MPP3: variants seen among roughly 807,000 people sequenced by gnomAD.
The protein encoded by MPP3 is MAGUK p55 scaffold protein 3.
Under a neutral mutation model 80.7 loss-of-function variants are expected in MPP3, and 48 were observed. The ratio of observed to expected loss-of-function variants is 0.59; its 90% CI spans 0.47 to 0.76. The LOEUF is 0.76. Among genes scored for constraint, MPP3 ranks in the 30% least tolerant of loss-of-function variants. MPP3 has a pLI of 0.00. For missense variants in MPP3, 620 were observed against 763.0 expected (o/e 0.81, Z 2.21); for synonymous variants, 311 against 297.6 (o/e 1.04, Z -0.46).
At position 43,818,037 on chromosome 17, in the gene MPP3, T is replaced by C; in HGVS notation, c.946+9A>G. 1 of 1,579,034 alleles carries C rather than the reference T, an allele frequency of 6.3e-7. No homozygotes were observed. The highest frequency in any genetic ancestry group is 2.4e-5 in the East Asian group (1 of 42,126). The stretch of plus-strand genomic sequence containing the variant: ...CTCCCTGGAGTGCCATCCCTGACAA[T>C]CTACTCACAGGGGGGCTTCCTGAGG... On this transcript the variant is annotated intron_variant, in intron 12 of 19. Transcript: ENST00000398389.
At chr17:43,818,213 G>T in intron 11 of MPP3, 103 bp from the exon 12 acceptor site, 1 of 1,044,340 alleles carries the variant, frequency 9.6e-7, no homozygotes. Flanking sequence ...GGATCCCACA[G>T]GTGGGCACAC....
chr17:43,829,635 G>T lies in MPP3; in HGVS notation c.441+19C>A, dbSNP rs1567828615. 1 of 1,612,074 alleles carries T rather than the reference G, an allele frequency of 6.2e-7. No homozygotes were observed. Among genetic ancestry groups the T allele is most frequent in the Non-Finnish European group, 8.5e-7 (1 of 1,179,712 alleles). On this transcript the variant is annotated intron_variant, in intron 7 of 19. Coordinates refer to ENST00000398389, the MANE Select transcript of MPP3 (RefSeq NM_001932.6). ...GCAGGGGAAGAGTGGGTTAGAGAGG[G>T]GCAGGCAGCAGCACCTACCAGGGGT...
At chr17:43,829,311 T>C (rs889785479) in intron 7 of MPP3, among the ~76,000 whole-genome samples, 11 of 152,234 alleles carry the variant, frequency 7.2e-5, no homozygotes, top group Admixed American at 6.5e-5. Flanking sequence ...ATGGGCCTGG[T>C]TGTGCTCCAA....
intron 8 of MPP3, among the ~76,000 whole-genome samples, chr17:43,826,837 T>C (rs1034008858): frequency 7.5e-5 from 11 of 146,826 alleles, no homozygotes; most frequent in African/African-American, 2.9e-4. Context: ...TATATTTTTT[T>C]TTTTTTTCTT....
chr17:43,829,517 A>G, intron 7 of MPP3, 137 bp downstream of exon 7: 1 of 1,017,914 alleles, frequency 9.8e-7, no homozygotes, highest in Admixed American at 2.3e-5. Context: ...CAGAGGCACC[A>G]CAGGGATGAG....
intron 10 of MPP3, among the ~76,000 whole-genome samples, chr17:43,822,227 T>C (rs990545820): frequency 6.6e-6 from 1 of 152,222 alleles, no homozygotes; most frequent in Non-Finnish European, 1.5e-5. Context: ...AACAGCTATA[T>C]AAAGATTATT....
chr17:43,815,970 C>T, intron 14 of MPP3, 68 bp downstream of exon 14: 1 of 1,382,004 alleles, frequency 7.2e-7, no homozygotes, highest in African/African-American at 1.5e-5. Context: ...CCTGCTTTGA[C>T]CTCTCCCTAA....
intron 10 of MPP3, among the ~76,000 whole-genome samples, chr17:43,821,982 G>C (rs545227244): frequency 5.5e-4 from 83 of 152,288 alleles, no homozygotes; most frequent in African/African-American, 1.9e-3. Context: ...TAAGTGGCCA[G>C]CCCAAATCAA....
chr17:43,814,284 C>G lies in MPP3; in HGVS notation c.1087G>C (p.Ala363Pro). ...GSQEGKMSSGAESPELLTYEE... is the reference protein window; with the variant it reads ...GSQEGKMSSGPESPELLTYEE... The stretch of plus-strand genomic sequence containing the variant: ...TAAGTCAGCAGCTCCGGAGACTCAG[C>G]TCCGGAGGACATCTTTCCTTCCTGC... The change falls in exon 15 of 20, where the codon GCT (alanine) becomes CCT (proline). Residue 363 changes from alanine to proline, a missense_variant. By Grantham distance (27) the Ala-to-Pro change is conservative. Transcript: ENST00000398389. 6.2e-7 allele frequency: 1 copy of G among 1,612,876 alleles called. No individual in the cohort carries two copies. Among genetic ancestry groups the G allele is most frequent in the South Asian group, 1.1e-5 (1 of 91,076 alleles).
chr17:43,809,156 C>G, intron 18 of MPP3, 78 bp from the exon 19 acceptor site: 14 of 1,437,660 alleles, frequency 9.7e-6, no homozygotes, highest in Non-Finnish European at 1.3e-5. Flanking sequence ...GCTCAATAAT[C>G]GTGTGCTTCA....
chr17:43,827,931 G>T, intron 7 of MPP3, 99 bp from the exon 8 acceptor site: 4 of 1,121,874 alleles, frequency 3.6e-6, no homozygotes, highest in South Asian at 1.3e-5. Flanking sequence ...CCCTCCCTCT[G>T]ACAGTCCAGA....
In MPP3 at chr17:43,830,069, A is replaced by C; in HGVS notation, c.261T>G (p.Asp87Glu). Residue 87 changes from aspartate to glutamate, a missense_variant, in exon 6 of 20, where the codon GAT becomes GAG. By Grantham distance (45) the Asp-to-Glu change is conservative. Transcript: ENST00000398389. ...EELQAASVHS[D>E]ERELLQLLST... The stretch of plus-strand genomic sequence containing the variant: ...ACAGCAGCTGGAGCAGCTCCCTCTC[A>C]TCACTGTGCACGGAGGCGGCCTGCA... 6.3e-7 allele frequency: 1 copy of C among 1,583,654 alleles called. No homozygotes were observed. The highest frequency in any genetic ancestry group is 8.6e-7 in the Non-Finnish European group (1 of 1,166,248).
intron 17 of MPP3, 72 bp downstream of exon 17, chr17:43,811,040 G>A: frequency 6.7e-7 from 1 of 1,483,208 alleles, no homozygotes; most frequent in Non-Finnish European, 9.4e-7. Flanking sequence ...GTCCTCCCAG[G>A]AGCTCTAGTG....
chr17:43,825,804 G>A lies in MPP3; in HGVS notation c.561C>T (p.Asn187=), dbSNP rs767969540. ...VHVGDELREV[N]GIAVLHKRPD... is the part of the protein sequence containing the mutation. ...GCCGCTTGTGCAGGACTGCGATCCC[G>A]TTCACTTCTCGGAGCTCATCTCCAA... is the stretch of plus-strand genomic sequence containing the variant. Residue 187 remains asparagine, a synonymous_variant, in exon 9 of 20, where the codon AAC becomes AAT. Transcript: ENST00000398389. 6.8e-6 allele frequency: 11 copies of A among 1,613,158 alleles called. No homozygotes were observed. Among genetic ancestry groups the A allele is most frequent in the Admixed American group, 3.3e-5 (2 of 60,024 alleles).
At chr17:43,829,282 A>G (rs1598368578) in intron 7 of MPP3, among the ~76,000 whole-genome samples, 2 of 152,346 alleles carry the variant, frequency 1.3e-5, no homozygotes, top group East Asian at 3.9e-4. Flanking sequence ...AAAGGCAGCC[A>G]CAGCCAATCT....
At chr17:43,827,699 G>A in intron 8 of MPP3, 52 bp downstream of exon 8, 1 of 1,576,546 alleles carries the variant, frequency 6.3e-7, no homozygotes, top group Non-Finnish European at 8.7e-7. Flanking sequence ...GGAGGGCTCT[G>A]GAACAATGGC....
intron 13 of MPP3, among the ~76,000 whole-genome samples, chr17:43,816,320 G>A (rs1285893023): frequency 6.6e-6 from 1 of 152,234 alleles, no homozygotes; most frequent in Non-Finnish European, 1.5e-5. Flanking sequence ...AGGCCAGCAG[G>A]CCTCCCCAGT....
intron 16 of MPP3, among the ~76,000 whole-genome samples, chr17:43,811,846 G>C (rs1165890329): frequency 6.6e-6 from 1 of 152,168 alleles, no homozygotes; most frequent in African/African-American, 2.4e-5. Flanking sequence ...ACCCGCCTCA[G>C]CCTCCCAAAG....
chr17:43,833,026 G>A (rs1598378642), intron 1 of MPP3, 75 bp downstream of exon 1: 1 of 151,412 alleles, frequency 6.6e-6, no homozygotes, highest in East Asian at 2.0e-4. Context: ...CACGGGAGGA[G>A]GGTCTCGGCC....
Sources: allele counts gnomAD v4.1 joint callset (sites outside exome capture counted in the v4.1 genomes callset), GRCh38; gene constraint gnomAD v4.1.1; transcripts MANE v1.5; gene names NCBI Gene and HGNC (gene_info 2026-07-23, HGNC 2026-07-21).